ANK3: variants seen among roughly 807,000 people sequenced by gnomAD.
ANK3 encodes ankyrin-3.
ANK3 carries 57 observed loss-of-function variants against 370.9 expected under a neutral mutation model. That is an observed-to-expected ratio of 0.15 (90% CI 0.12 to 0.19). The LOEUF (loss-of-function observed/expected upper bound fraction) is 0.19. Ranked by LOEUF, ANK3 falls within the 10% of genes least tolerant of loss-of-function variation. The pLI is 1.00. For missense variants in ANK3, 4,439 were observed against 5,302.1 expected (o/e 0.84, Z 5.06); for synonymous variants, 1,929 against 1,946.3 (o/e 0.99, Z 0.23).
chr10:60,120,531 C>A (rs769593364), intron 25 of ANK3, among the ~76,000 whole-genome samples: 2 of 151,952 alleles, frequency 1.3e-5, no homozygotes, highest in African/African-American at 2.4e-5. Flanking sequence ...AAGAGACAAC[C>A]CACAGAATGG....
chr10:60,712,319 T>A (rs1174506713), intron 1 of ANK3, among the ~76,000 whole-genome samples: 1 of 152,190 alleles, frequency 6.6e-6, no homozygotes. Context: ...GCAGGATAAA[T>A]CAAATGAATG....
chr10:60,465,256 C>A (rs1166716979), intron 2 of ANK3, among the ~76,000 whole-genome samples: 2 of 137,446 alleles, frequency 1.5e-5, no homozygotes, highest in Non-Finnish European at 3.1e-5. Context: ...AGAGTGAGAC[C>A]TAGTCACCAA....
chr10:60,224,909 CTTTCTTTTTTT>C (rs1396008599), intron 8 of ANK3, among the ~76,000 whole-genome samples: 10 of 149,376 alleles, frequency 6.7e-5, no homozygotes, highest in African/African-American at 9.8e-5. Context: ...TTTTCTTTTT[CTTTCTTTTTTT>C]TTTCTTTTTT....
intron 1 of ANK3, chr10:60,733,140 CGCCT>C (rs1218145904): frequency 2.4e-6 from 2 of 825,968 alleles, no homozygotes; most frequent in Non-Finnish European, 3.2e-6. Flanking sequence ...CTCGCGGCGC[CGCCT>C]GGCACCCCCA....
chr10:60,289,759 T>C (rs1311091601), intron 1 of ANK3, among the ~76,000 whole-genome samples: 4 of 152,192 alleles, frequency 2.6e-5, no homozygotes, highest in African/African-American at 9.6e-5. Context: ...TGAGAAGTAA[T>C]TTTTGGTGAA....
chr10:60,379,918 C>T (rs903410394), intron 1 of ANK3, among the ~76,000 whole-genome samples: 2 of 151,974 alleles, frequency 1.3e-5, no homozygotes, highest in Admixed American at 6.6e-5. Flanking sequence ...TGCTAATTAT[C>T]TTGATCTGAT....
At chr10:60,058,581 C>T (rs2079668901) in intron 41 of ANK3, among the ~76,000 whole-genome samples, 1 of 152,050 alleles carries the variant, frequency 6.6e-6, no homozygotes, top group East Asian at 1.9e-4. Flanking sequence ...TACATTAAGA[C>T]ATTTAAAAAA....
chr10:60,505,100 C>A (rs936873638), intron 2 of ANK3, among the ~76,000 whole-genome samples: 1 of 152,070 alleles, frequency 6.6e-6, no homozygotes, highest in African/African-American at 2.4e-5. Context: ...GCGCTCTCTA[C>A]CCCCAATGAC....
intron 2 of ANK3, among the ~76,000 whole-genome samples, chr10:60,554,693 C>A (rs942728262): frequency 6.6e-6 from 1 of 152,138 alleles, no homozygotes; most frequent in Admixed American, 6.5e-5. Flanking sequence ...TCTTCTATTA[C>A]TTAAAAATAA....
chr10:60,478,595 T>A (rs1229623990), intron 2 of ANK3, among the ~76,000 whole-genome samples: 1 of 152,110 alleles, frequency 6.6e-6, no homozygotes, highest in African/African-American at 2.4e-5. Context: ...AAGAAAGATA[T>A]AAATTTCTGA....
At chr10:60,127,947 T>C (rs2093853907) in intron 25 of ANK3, among the ~76,000 whole-genome samples, 1 of 152,134 alleles carries the variant, frequency 6.6e-6, no homozygotes, top group Non-Finnish European at 1.5e-5. Flanking sequence ...TCTGCCCACC[T>C]TGGCCTCCCA....
chr10:60,427,657 C>T (rs1002808357), intron 2 of ANK3, among the ~76,000 whole-genome samples: 9 of 152,062 alleles, frequency 5.9e-5, no homozygotes, highest in Middle Eastern at 3.4e-3. Flanking sequence ...ATAGTTACCA[C>T]GGACATTTTG....
intron 28 of ANK3, among the ~76,000 whole-genome samples, chr10:60,100,157 C>A (rs376499618): frequency 6.6e-6 from 1 of 150,962 alleles, no homozygotes; most frequent in East Asian, 1.9e-4. Context: ...CCTTTCCTTT[C>A]CAACACGATG....
At chr10:60,687,663 A>G (rs920755367) in intron 1 of ANK3, among the ~76,000 whole-genome samples, 5 of 152,220 alleles carry the variant, frequency 3.3e-5, no homozygotes, top group African/African-American at 1.2e-4. Flanking sequence ...GAGGCTCCTC[A>G]AAAAATTAAA....
chr10:60,110,577 T>G (rs1341911995), intron 26 of ANK3, among the ~76,000 whole-genome samples: 1 of 152,150 alleles, frequency 6.6e-6, no homozygotes, highest in Non-Finnish European at 1.5e-5. Context: ...CTTGTTCACT[T>G]GTACAAGTGT....
chr10:60,395,617 G>T (rs59644679), intron 2 of ANK3, among the ~76,000 whole-genome samples: 12,306 of 55,512 alleles, frequency 0.22, 787 homozygotes, highest in East Asian at 0.3. Context: ...TCTCTCTTTC[G>T]TTCTCTCTCT....
At chr10:60,283,398 CAT>C (rs1308727509) in intron 1 of ANK3, among the ~76,000 whole-genome samples, 2 of 152,012 alleles carry the variant, frequency 1.3e-5, no homozygotes, top group African/African-American at 2.4e-5. Flanking sequence ...ATCTAAGATG[CAT>C]CCAAAAATGT....
At chr10:60,621,568 G>A (rs1482841822) in intron 1 of ANK3, among the ~76,000 whole-genome samples, 1 of 152,108 alleles carries the variant, frequency 6.6e-6, no homozygotes, top group Non-Finnish European at 1.5e-5. Context: ...GGTTTGAGGA[G>A]CATAATATCA....
chr10:60,325,597 C>T (rs2049653673), intron 1 of ANK3, among the ~76,000 whole-genome samples: 1 of 152,194 alleles, frequency 6.6e-6, no homozygotes, highest in African/African-American at 2.4e-5. Context: ...TGTTTTCCAA[C>T]CCTGGGTCTC....
Sources: allele counts gnomAD v4.1 joint callset (sites outside exome capture counted in the v4.1 genomes callset), GRCh38; gene constraint gnomAD v4.1.1; transcripts MANE v1.5; gene names NCBI Gene and HGNC (gene_info 2026-07-23, HGNC 2026-07-21).